VPS13A: variants seen among roughly 807,000 people sequenced by gnomAD.
The protein encoded by VPS13A is vacuolar protein sorting 13 homolog A.
A neutral mutation model predicts 390.9 loss-of-function variants in VPS13A; 264 were observed. That is an observed-to-expected ratio of 0.68 (90% CI 0.61 to 0.75). The LOEUF (loss-of-function observed/expected upper bound fraction) is 0.75. VPS13A is among the 30% of genes least tolerant of loss of function. The pLI, the probability that VPS13A is intolerant of heterozygous loss-of-function variation, is 0.00. For missense variants in VPS13A, 3,409 were observed against 3,733.9 expected, an observed-to-expected ratio of 0.91 and a Z score of 2.27; for synonymous variants, 1,231 against 1,227.1, an observed-to-expected ratio of 1.00 and a Z score of -0.07.
intron 68 of VPS13A, chr9:77,382,954 T>C (rs1833520594): frequency 2.0e-6 from 2 of 985,148 alleles, no homozygotes; most frequent in Non-Finnish European, 2.4e-6. Flanking sequence ...TGTCATGTTG[T>C]TTCTGTGGTT....
At chr9:77,341,593 G>A (rs1013001725) in intron 50 of VPS13A, among the ~76,000 whole-genome samples, 2 of 149,812 alleles carry the variant, frequency 1.3e-5, no homozygotes, top group Non-Finnish European at 3.0e-5. Context: ...CAGACATGTT[G>A]GACATTCATA....
At chr9:77,358,835 T>A (rs1281265545) in intron 57 of VPS13A, among the ~76,000 whole-genome samples, 1 of 152,160 alleles carries the variant, frequency 6.6e-6, no homozygotes, top group Non-Finnish European at 1.5e-5. Flanking sequence ...CCCTTTTCTT[T>A]CCCTTTGCCT....
intron 41 of VPS13A, among the ~76,000 whole-genome samples, chr9:77,319,205 AAAAAG>A (rs1403873311): frequency 7.3e-5 from 11 of 151,570 alleles, no homozygotes; most frequent in Admixed American, 1.3e-4. Context: ...CAAAAAAAAA[AAAAAG>A]AAAAGAAAAG....
chr9:77,272,466 G>A (rs755016407), intron 23 of VPS13A, among the ~76,000 whole-genome samples: 2 of 152,200 alleles, frequency 1.3e-5, no homozygotes, highest in Non-Finnish European at 2.9e-5. Flanking sequence ...CAGTATAGTG[G>A]ACAAATAAGT....
intron 68 of VPS13A, among the ~76,000 whole-genome samples, chr9:77,385,368 T>C (rs1304773961): frequency 1.3e-5 from 2 of 151,980 alleles, no homozygotes; most frequent in Non-Finnish European, 2.9e-5. Context: ...ACATATTTTT[T>C]GTGAAACAAT....
At position 77,224,811 on chromosome 9, in the gene VPS13A, C is replaced by G. The variant is rs568372867; in HGVS notation, c.1162-1115C>G. 3.9e-5 allele frequency among the ~76,000 whole-genome samples: 6 copies of G among 152,282 alleles called. No individual in the cohort carries two copies. In the South Asian group the frequency reaches 1.2e-3, roughly 32 times the overall value. On this transcript the variant is annotated intron_variant, in intron 13 of 71. Coordinates refer to ENST00000360280, the MANE Select transcript of VPS13A (RefSeq NM_033305.3). ...TGAAGGAAATTCTGTAAGTAAAATG[C>G]TATCAAACAGCGTTGTACGCTACAG...
At chr9:77,361,262 T>C (rs1419231693) in intron 59 of VPS13A, among the ~76,000 whole-genome samples, 1 of 152,148 alleles carries the variant, frequency 6.6e-6, no homozygotes, top group Non-Finnish European at 1.5e-5. Flanking sequence ...AGGAACTGCC[T>C]GTGCAGCCAC....
At chr9:77,307,845 G>A in intron 34 of VPS13A, 100 bp from the exon 35 acceptor site, 1 of 970,972 alleles carries the variant, frequency 1.0e-6, no homozygotes, top group Non-Finnish European at 1.6e-6. Context: ...GTAGAGGATT[G>A]AAACAGTCTT....
At chr9:77,228,383 G>A (rs905428789) in intron 17 of VPS13A, 119 bp downstream of exon 17, 2 of 1,021,790 alleles carry the variant, frequency 2.0e-6, no homozygotes, top group Non-Finnish European at 1.3e-6. Flanking sequence ...TCCTTTTGTG[G>A]TTTCAGGAAA....
intron 21 of VPS13A, among the ~76,000 whole-genome samples, chr9:77,251,577 AT>A (rs952428959): frequency 7.3e-5 from 11 of 151,594 alleles, no homozygotes; most frequent in African/African-American, 1.7e-4. Flanking sequence ...TTGTGAATGT[AT>A]TTTTTTTACA....
intron 10 of VPS13A, among the ~76,000 whole-genome samples, chr9:77,215,765 T>C (rs912699135): frequency 3.6e-4 from 55 of 152,358 alleles, no homozygotes; most frequent in Middle Eastern, 3.4e-3. Context: ...GCGTGGCTTA[T>C]TGAATGGCAG....
At chr9:77,259,414 G>A (rs1587438586) in intron 22 of VPS13A, among the ~76,000 whole-genome samples, 1 of 152,182 alleles carries the variant, frequency 6.6e-6, no homozygotes, top group Non-Finnish European at 1.5e-5. Context: ...AAGAAAGCTT[G>A]TAATTTTCTG....
At chr9:77,331,982 C>G (rs749950807) in intron 45 of VPS13A, 28 bp from the exon 46 acceptor site, 1 of 1,468,384 alleles carries the variant, frequency 6.8e-7, no homozygotes, top group South Asian at 1.1e-5. Flanking sequence ...ATTAATGATA[C>G]TAAATATTAT....
intron 23 of VPS13A, among the ~76,000 whole-genome samples, chr9:77,268,867 G>A (rs1323885367): frequency 2.6e-5 from 4 of 151,690 alleles, no homozygotes; most frequent in African/African-American, 4.8e-5. Flanking sequence ...TTGAACTCTG[G>A]AGGTGGAGGT....
chr9:77,402,202 G>GTTA (rs1834422642), intron 68 of VPS13A, among the ~76,000 whole-genome samples: 5 of 152,002 alleles, frequency 3.3e-5, no homozygotes. Context: ...ATTGAAGTTA[G>GTTA]GAACTTCTTC....
At chr9:77,191,462 AT>A (rs977880487) in intron 1 of VPS13A, among the ~76,000 whole-genome samples, 2 of 151,074 alleles carry the variant, frequency 1.3e-5, no homozygotes, top group Non-Finnish European at 3.0e-5. Context: ...CACCTGGCTA[AT>A]TTTTTTTGTA....
intron 42 of VPS13A, among the ~76,000 whole-genome samples, chr9:77,320,383 T>C (rs1015114442): frequency 1.3e-5 from 2 of 152,192 alleles, no homozygotes; most frequent in African/African-American, 4.8e-5. Flanking sequence ...GGAATGTATA[T>C]TATTTGTTTG....
At chr9:77,309,180 A>C (rs1828928242) in intron 35 of VPS13A, among the ~76,000 whole-genome samples, 1 of 152,232 alleles carries the variant, frequency 6.6e-6, no homozygotes, top group Non-Finnish European at 1.5e-5. Flanking sequence ...GAGTTGCTGG[A>C]AATCCAAATA....
At chr9:77,308,586 G>A (rs959873025) in intron 35 of VPS13A, among the ~76,000 whole-genome samples, 2 of 152,198 alleles carry the variant, frequency 1.3e-5, no homozygotes, top group Non-Finnish European at 2.9e-5. Context: ...ATATTTGGGA[G>A]ATGGATGGAA....
Sources: gnomAD v4.1 joint callset for allele counts (sites outside exome capture counted in the v4.1 genomes callset) on GRCh38, gnomAD v4.1.1 for gene constraint, MANE v1.5 for transcripts, NCBI Gene and HGNC (gene_info 2026-07-23, HGNC 2026-07-21) for gene names.